NDST4: variants seen among roughly 807,000 people sequenced by gnomAD.
NDST4 encodes N-deacetylase and N-sulfotransferase 4.
Under a neutral mutation model 100.8 loss-of-function variants are expected in NDST4, and 63 were observed. The observed-to-expected ratio is 0.62, with a 90% CI of 0.51 to 0.77. The LOEUF (loss-of-function observed/expected upper bound fraction) is 0.77, where lower values mean the gene tolerates loss of function less well. NDST4 is among the 30% of genes least tolerant of loss of function. The pLI, the probability that NDST4 is intolerant of heterozygous loss-of-function variation, is 0.00. For synonymous variants in NDST4, 377 were observed against 361.8 expected (o/e 1.04, Z -0.48); for missense variants, 943 against 1,018.4 (o/e 0.93, Z 1.01).
At chr4:115,085,721 G>A (rs1042958579) in intron 1 of NDST4, among the ~76,000 whole-genome samples, 7 of 152,162 alleles carry the variant, frequency 4.6e-5, no homozygotes, top group African/African-American at 1.7e-4. Context: ...CCCCAGCCAT[G>A]TGGAACTGTG....
chr4:114,974,652 G>A (rs1052701080), intron 3 of NDST4, among the ~76,000 whole-genome samples: 2 of 152,012 alleles, frequency 1.3e-5, no homozygotes, highest in African/African-American at 2.4e-5. Flanking sequence ...TCTAAACTCC[G>A]TGCTTTTATT....
chr4:114,919,635 C>T (rs529410101), intron 6 of NDST4, among the ~76,000 whole-genome samples: 3 of 152,182 alleles, frequency 2.0e-5, no homozygotes, highest in South Asian at 2.1e-4. Context: ...CGGCAGAGGG[C>T]CAGGTCATGG....
chr4:114,898,911 G>A (rs1724773717), intron 6 of NDST4, among the ~76,000 whole-genome samples: 1 of 151,684 alleles, frequency 6.6e-6, no homozygotes, highest in Non-Finnish European at 1.5e-5. Flanking sequence ...TTTCCAGGAG[G>A]GTTTTTTTTT....
chr4:114,950,180 A>G (rs1462190252), intron 4 of NDST4, among the ~76,000 whole-genome samples: 1 of 152,028 alleles, frequency 6.6e-6, no homozygotes, highest in African/African-American at 2.4e-5. Context: ...GGACCACATG[A>G]GCTACTTGAT....
intron 10 of NDST4, among the ~76,000 whole-genome samples, chr4:114,839,962 T>C (rs1457451125): frequency 1.3e-5 from 2 of 152,148 alleles, no homozygotes; most frequent in East Asian, 3.9e-4. Context: ...TCAACCCTAA[T>C]GAAAAATTTA....
Position 115,008,925 on chromosome 4 carries a change from C to T in NDST4, c.979-31651G>A, listed in dbSNP as rs1727479980. Among the ~76,000 whole-genome samples, 2 of 128,276 alleles carry T rather than the reference C, an allele frequency of 1.6e-5. 1 individual carries two copies. The highest frequency in any genetic ancestry group is 5.9e-5 in the African/African-American group (2 of 33,632). 84.2% of individuals were successfully genotyped at this position (128,276 alleles called of 152,430 possible). On this transcript the variant is annotated intron_variant, in intron 2 of 13. Transcript: ENST00000264363. ...AGAGAGCCAAATCACGAGTGAACTCCTATTCACAATTGCTTCAAAGAGAAT... is the reference window on the plus strand; with the variant it reads ...AGAGAGCCAAATCACGAGTGAACTCTTATTCACAATTGCTTCAAAGAGAAT...
chr4:115,011,610 A>G (rs1727549245), intron 2 of NDST4, among the ~76,000 whole-genome samples: 1 of 151,946 alleles, frequency 6.6e-6, no homozygotes, highest in African/African-American at 2.4e-5. Context: ...TAGCAGTTTC[A>G]GGTAATAATA....
chr4:115,032,943 G>A (rs988177326), intron 2 of NDST4, among the ~76,000 whole-genome samples: 2 of 151,570 alleles, frequency 1.3e-5, no homozygotes, highest in South Asian at 2.1e-4. Context: ...CTTTGAATTC[G>A]TATGTTTTTG....
intron 4 of NDST4, among the ~76,000 whole-genome samples, chr4:114,939,137 C>T (rs893412360): frequency 6.6e-6 from 1 of 152,130 alleles, no homozygotes; most frequent in Non-Finnish European, 1.5e-5. Flanking sequence ...CTTCCATGCT[C>T]GCCAATGAGT....
intron 2 of NDST4, among the ~76,000 whole-genome samples, chr4:114,985,086 G>C (rs1377638149): frequency 6.6e-6 from 1 of 152,168 alleles, no homozygotes; most frequent in African/African-American, 2.4e-5. Context: ...AATTAAAAAT[G>C]AGTGAATGCT....
At chr4:114,892,786 TTTC>T (rs1404876305) in intron 6 of NDST4, among the ~76,000 whole-genome samples, 2 of 151,920 alleles carry the variant, frequency 1.3e-5, no homozygotes, top group South Asian at 2.1e-4. Flanking sequence ...TATTTATTTA[TTTC>T]TTCTTCTTAA....
intron 4 of NDST4, among the ~76,000 whole-genome samples, chr4:114,945,527 T>C (rs1046265847): frequency 2.0e-5 from 3 of 152,198 alleles, no homozygotes; most frequent in African/African-American, 7.2e-5. Flanking sequence ...ATAAACATAT[T>C]AAAGAAACAC....
At chr4:115,093,153 A>T (rs1471085547) in intron 1 of NDST4, among the ~76,000 whole-genome samples, 1 of 152,210 alleles carries the variant, frequency 6.6e-6, no homozygotes, top group East Asian at 1.9e-4. Context: ...GTAAGAATTC[A>T]TACCATTTCT....
intron 6 of NDST4, among the ~76,000 whole-genome samples, chr4:114,931,944 A>C (rs539151699): frequency 3.3e-5 from 5 of 152,070 alleles, no homozygotes; most frequent in African/African-American, 1.2e-4. Context: ...AATCCTTCTC[A>C]AACTCTTGCA....
At chr4:115,041,430 C>A (rs868611174) in intron 2 of NDST4, among the ~76,000 whole-genome samples, 21 of 151,678 alleles carry the variant, frequency 1.4e-4, no homozygotes, top group African/African-American at 4.6e-4. Flanking sequence ...AAAATGTTCC[C>A]AGTTCATTGA....
intron 6 of NDST4, among the ~76,000 whole-genome samples, chr4:114,932,203 T>C (rs1725530197): frequency 6.6e-6 from 1 of 151,966 alleles, no homozygotes; most frequent in South Asian, 2.1e-4. Context: ...TGCAAATCCA[T>C]AAGTGTGATA....
intron 7 of NDST4, among the ~76,000 whole-genome samples, chr4:114,863,645 C>CT (rs1485822860): frequency 2.0e-5 from 3 of 152,168 alleles, no homozygotes. Context: ...TATATTTAAA[C>CT]TTTGAAAAAG....
intron 4 of NDST4, among the ~76,000 whole-genome samples, chr4:114,960,428 A>G (rs1726235686): frequency 6.6e-6 from 1 of 152,124 alleles, no homozygotes; most frequent in African/African-American, 2.4e-5. Context: ...CAACATGGTG[A>G]AACCCCGTCT....
chr4:115,027,549 G>A (rs1284497576), intron 2 of NDST4, among the ~76,000 whole-genome samples: 1 of 152,008 alleles, frequency 6.6e-6, no homozygotes, highest in African/African-American at 2.4e-5. Flanking sequence ...TCTCAAACTG[G>A]TCTCTTGATC....
Sources: allele counts gnomAD v4.1 joint callset (sites outside exome capture counted in the v4.1 genomes callset), GRCh38; gene constraint gnomAD v4.1.1; transcripts MANE v1.5; gene names NCBI Gene and HGNC (gene_info 2026-07-23, HGNC 2026-07-21).